The following ERLIN1 variants were observed in gnomAD, a reference collection of about 807,000 sequenced individuals.
The protein encoded by ERLIN1 is ER lipid raft associated 1, also known as erlin-1.
In ERLIN1, 24 loss-of-function variants were observed where a neutral mutation model predicts 46.9. That is an observed-to-expected ratio of 0.51 (90% CI 0.37 to 0.72). The LOEUF (loss-of-function observed/expected upper bound fraction) is 0.72, where lower values mean the gene tolerates loss of function less well. Ranked by LOEUF, ERLIN1 falls within the 30% of genes least tolerant of loss-of-function variation. The probability of loss-of-function intolerance (pLI) is 0.00; values close to 1 mark genes in which losing one functional copy is unlikely to be tolerated. For synonymous variants in ERLIN1, 158 were observed against 143.2 expected (o/e 1.10, Z -0.74); for missense variants, 293 against 417.9 (o/e 0.70, Z 2.61).
At position 100,150,467 on chromosome 10, in the gene ERLIN1, T is replaced by C. The variant is rs1169351833; in HGVS notation, c.*1664A>G. 6.6e-6 allele frequency: 1 copy of C among 152,662 alleles called. No homozygotes were observed. Among genetic ancestry groups the C allele is most frequent in the Non-Finnish European group, 1.5e-5 (1 of 68,042 alleles). The allele number at this position is 152,662 out of a possible 1,614,324, so 9.5% of individuals were successfully genotyped here. ...ACAGGTAAAGATTTTATTTTTATAATTCAAAAGTTCTTTTAAGGAGAACTA... is the reference window on the plus strand; with the variant it reads ...ACAGGTAAAGATTTTATTTTTATAACTCAAAAGTTCTTTTAAGGAGAACTA... On this transcript the variant is annotated 3_prime_UTR_variant, in exon 11 of 11. Coordinates refer to ENST00000421367, the MANE Select transcript of ERLIN1 (RefSeq NM_006459.4).
At chr10:100,174,790 A>AAG (rs140430771) in intron 5 of ERLIN1, among the ~76,000 whole-genome samples, 188 of 150,826 alleles carry the variant, frequency 1.2e-3, no homozygotes, top group Admixed American at 2.0e-3. Context: ...TTTGGATTTA[A>AAG]AGAGAGAGAG....
At chr10:100,153,666 T>C (rs972778359) in intron 10 of ERLIN1, among the ~76,000 whole-genome samples, 1 of 152,232 alleles carries the variant, frequency 6.6e-6, no homozygotes, top group Non-Finnish European at 1.5e-5. Flanking sequence ...CCACATTTCT[T>C]CCTCAAGCCT....
chr10:100,162,336 T>A (rs771279103), intron 8 of ERLIN1, among the ~76,000 whole-genome samples: 36 of 152,328 alleles, frequency 2.4e-4, no homozygotes, highest in Non-Finnish European at 4.7e-4. Flanking sequence ...AATTATGTGA[T>A]ACCATGTCTT....
At chr10:100,171,562 C>T (rs560970700) in intron 6 of ERLIN1, among the ~76,000 whole-genome samples, 13 of 152,076 alleles carry the variant, frequency 8.5e-5, no homozygotes, top group Non-Finnish European at 1.6e-4. Flanking sequence ...CATGCCACCA[C>T]ACCTACCTAA....
intron 6 of ERLIN1, among the ~76,000 whole-genome samples, chr10:100,170,476 T>C: frequency 6.6e-6 from 1 of 152,286 alleles, no homozygotes; most frequent in Non-Finnish European, 1.5e-5. Context: ...CAAATAAATA[T>C]AAGTAAATTC....
Position 100,152,094 on chromosome 10 carries a change from C to A in ERLIN1, c.*37G>T. 1 of 1,334,628 alleles carries A rather than the reference C, an allele frequency of 7.5e-7. No individual in the cohort carries two copies. The allele number at this position is 1,334,628 out of a possible 1,614,324, so 82.7% of individuals were successfully genotyped here. A position where few individuals can be genotyped will look rare whatever the true frequency, so the allele number is the denominator to read the frequency against. On this transcript the variant is annotated 3_prime_UTR_variant, in exon 11 of 11. Coordinates refer to ENST00000421367, the MANE Select transcript of ERLIN1 (RefSeq NM_006459.4). ...GATTGTTCCCACTTAACCCCTTGGG[C>A]CACATCTTGATATGGAGAACATTTC...
At chr10:100,165,079 T>C (rs1032776200) in intron 7 of ERLIN1, among the ~76,000 whole-genome samples, 1 of 152,180 alleles carries the variant, frequency 6.6e-6, no homozygotes, top group Non-Finnish European at 1.5e-5. Context: ...TTACTAAGCA[T>C]GTACAAGTAG....
intron 9 of ERLIN1, 61 bp from the exon 10 acceptor site, chr10:100,155,000 C>T (rs1589510153): frequency 7.4e-7 from 1 of 1,343,798 alleles, no homozygotes; most frequent in East Asian, 2.3e-5. Flanking sequence ...GAGTCCCTTT[C>T]CCCACTGCTT....
chr10:100,154,820 C>T (rs1024929547), intron 10 of ERLIN1, 40 bp downstream of exon 10: 36 of 1,544,758 alleles, frequency 2.3e-5, no homozygotes, highest in Non-Finnish European at 2.9e-5. Flanking sequence ...AGCAAAACCC[C>T]GAAATGCATC....
intron 6 of ERLIN1, among the ~76,000 whole-genome samples, chr10:100,171,579 A>T (rs559020298): frequency 1.2e-4 from 19 of 152,038 alleles, no homozygotes; most frequent in South Asian, 6.2e-4. Flanking sequence ...CTAATTTTTT[A>T]AAAAAATTTT....
intron 8 of ERLIN1, among the ~76,000 whole-genome samples, chr10:100,161,185 T>A (rs1010548096): frequency 6.6e-6 from 1 of 152,176 alleles, no homozygotes; most frequent in Admixed American, 6.5e-5. Flanking sequence ...AAATTGTCCT[T>A]ATGTGAAGAT....
At position 100,176,065 on chromosome 10, in the gene ERLIN1, CA is replaced by C; in HGVS notation, c.309del (p.Phe103LeufsTer4). On this transcript the variant is annotated frameshift_variant, in exon 5 of 11. Coordinates refer to ENST00000421367, the MANE Select transcript of ERLIN1 (RefSeq NM_006459.4). LOFTEE classifies it high-confidence loss of function. Reference sequence around the variant, plus strand: ...TCTGCAGTATAGTTCCTCACGATATCAAACACTGAAGGAGAGGTACAACCCA... The same window carrying C: ...TCTGCAGTATAGTTCCTCACGATATCAACACTGAAGGAGAGGTACAACCCA... The part of the protein sequence containing the change: ...VVNMLAPYAV[F>X]DIVRNYTADY... 1.2e-6 allele frequency: 2 copies of C among 1,611,320 alleles called. No homozygotes were observed. The highest frequency in any genetic ancestry group is 1.7e-6 in the Non-Finnish European group (2 of 1,178,560).
chr10:100,151,983 C>T lies in ERLIN1; in HGVS notation c.*148G>A. 1.4e-6 allele frequency: 1 copy of T among 702,794 alleles called. No individual in the cohort carries two copies. The highest frequency in any genetic ancestry group is 1.5e-5 in the South Asian group (1 of 66,232). 43.5% of individuals were successfully genotyped at this position (702,794 alleles called of 1,614,324 possible). A position where few individuals can be genotyped will look rare whatever the true frequency, so the allele number is the denominator to read the frequency against. ...GTGTCAGACAGCTGGCTCTATCCTCCAATCAGTGGAGCACCCAGGACTATC... is the reference window on the plus strand; with the variant it reads ...GTGTCAGACAGCTGGCTCTATCCTCTAATCAGTGGAGCACCCAGGACTATC... On this transcript the variant is annotated 3_prime_UTR_variant, in exon 11 of 11. Transcript: ENST00000421367.
In ERLIN1 at chr10:100,174,179, C is replaced by G. The variant is rs1324340009; in HGVS notation, c.504+29G>C. 4.1e-6 allele frequency: 6 copies of G among 1,449,632 alleles called. No homozygotes were observed. In the African/African-American group the frequency reaches 5.6e-5, roughly 14 times the overall value. 89.8% of individuals were successfully genotyped at this position (1,449,632 alleles called of 1,614,324 possible). A position where few individuals can be genotyped will look rare whatever the true frequency, so the allele number is the denominator to read the frequency against. ...ACAAACTCAAAGCTCTCAAAATCCC[C>G]AGAGAACTTCCCTAGGAAAAGAACT... On this transcript the variant is annotated intron_variant, in intron 6 of 10. Coordinates refer to ENST00000421367, the MANE Select transcript of ERLIN1 (RefSeq NM_006459.4).
intron 6 of ERLIN1, among the ~76,000 whole-genome samples, chr10:100,172,870 T>C (rs969778571): frequency 6.6e-6 from 1 of 152,190 alleles, no homozygotes; most frequent in Non-Finnish European, 1.5e-5. Flanking sequence ...TAAACAACAG[T>C]TGAATGAGCT....
rs112671013 is a variant in ERLIN1, at chr10:100,183,752, T to C, written c.195+4A>G. The C allele has an allele frequency of 6.3e-7, 1 of 1,599,416 alleles. No individual in the cohort carries two copies. Among genetic ancestry groups the C allele is most frequent in the Non-Finnish European group, 8.6e-7 (1 of 1,169,138 alleles). The stretch of plus-strand genomic sequence containing the variant: ...TATGGAGGCTTCCCCTAGGAATCAC[T>C]CACCTGCACAGATCTGAACGTAGTA... On this transcript the variant is annotated splice_donor_region_variant and intron_variant, in intron 2 of 10. Transcript: ENST00000421367.
At chr10:100,179,840 T>G (rs1317398319) in intron 2 of ERLIN1, among the ~76,000 whole-genome samples, 2 of 152,194 alleles carry the variant, frequency 1.3e-5, no homozygotes, top group African/African-American at 4.8e-5. Context: ...CCAGAGTCCC[T>G]TACCTGCCTG....
intron 2 of ERLIN1, among the ~76,000 whole-genome samples, chr10:100,180,942 G>A (rs1844607895): frequency 6.6e-6 from 1 of 152,216 alleles, no homozygotes; most frequent in Non-Finnish European, 1.5e-5. Context: ...GGAGGTATCT[G>A]ATACTTGGTT....
chr10:100,172,130 G>A (rs1457247560), intron 6 of ERLIN1, among the ~76,000 whole-genome samples: 2 of 152,126 alleles, frequency 1.3e-5, no homozygotes, highest in African/African-American at 2.4e-5. Flanking sequence ...CATGCATACA[G>A]TAGTAAAAAA....
Sources: allele counts gnomAD v4.1 joint callset (sites outside exome capture counted in the v4.1 genomes callset), GRCh38; gene constraint gnomAD v4.1.1; transcripts MANE v1.5; gene names NCBI Gene and HGNC (gene_info 2026-07-23, HGNC 2026-07-21).